TNIK: variants seen among roughly 807,000 people sequenced by gnomAD.
TNIK encodes TRAF2 and NCK-interacting protein kinase.
A neutral mutation model predicts 191.3 loss-of-function variants in TNIK; 49 were observed. The observed-to-expected ratio is 0.26, with a 90% CI of 0.20 to 0.32. TNIK has a LOEUF of 0.32. TNIK is among the 10% of genes least tolerant of loss of function. The probability of loss-of-function intolerance (pLI) is 1.00; values close to 1 mark genes in which losing one functional copy is unlikely to be tolerated. For synonymous variants in TNIK, 594 were observed against 600.9 expected (o/e 0.99, Z 0.17); for missense variants, 1,155 against 1,702.3 (o/e 0.68, Z 5.66).
At chr3:171,419,049 T>C (rs1038765023) in intron 1 of TNIK, among the ~76,000 whole-genome samples, 1 of 152,126 alleles carries the variant, frequency 6.6e-6, no homozygotes, top group Non-Finnish European at 1.5e-5. Flanking sequence ...TATAAGTATA[T>C]TAATCCTACC....
At chr3:171,264,067 T>C (rs143950393) in intron 2 of TNIK, among the ~76,000 whole-genome samples, 21 of 110,820 alleles carry the variant, frequency 1.9e-4, no homozygotes, top group South Asian at 3.4e-4. Flanking sequence ...TATATATACA[T>C]ACACACACAC....
chr3:171,362,163 C>T (rs1715078969), intron 2 of TNIK, among the ~76,000 whole-genome samples: 1 of 152,166 alleles, frequency 6.6e-6, no homozygotes, highest in Admixed American at 6.5e-5. Context: ...CACAGTGCTG[C>T]AACTGATTCC....
intron 1 of TNIK, among the ~76,000 whole-genome samples, chr3:171,442,938 A>G (rs1727010846): frequency 6.6e-6 from 1 of 152,160 alleles, no homozygotes; most frequent in Non-Finnish European, 1.5e-5. Flanking sequence ...TGGCTACAAT[A>G]CCAGCACAAG....
At chr3:171,367,323 A>T (rs112706002) in intron 2 of TNIK, among the ~76,000 whole-genome samples, 3,243 of 152,284 alleles carry the variant, frequency 0.021, 106 homozygotes, top group African/African-American at 0.071. Context: ...TGACAGCAGG[A>T]CTGGATTAGT....
Position 171,183,764 on chromosome 3 carries a change from C to T in TNIK, c.639+4938G>A, listed in dbSNP as rs190706083. Among the ~76,000 whole-genome samples, 533 of 151,816 alleles carry T rather than the reference C, an allele frequency of 3.5e-3. 7 individuals are homozygous for T. The highest frequency in any genetic ancestry group is 0.021 in the Admixed American group (322 of 15,246). On this transcript the variant is annotated intron_variant, in intron 7 of 32. Transcript: ENST00000436636. Reference sequence around the variant, plus strand: ...AGTGAAACCCTGTCTCTACTAAAAACACAAAAATTCACTGGGCGTGGTGGC... The same window carrying T: ...AGTGAAACCCTGTCTCTACTAAAAATACAAAAATTCACTGGGCGTGGTGGC...
chr3:171,420,931 G>A (rs1364266111), intron 1 of TNIK, among the ~76,000 whole-genome samples: 5 of 152,152 alleles, frequency 3.3e-5, no homozygotes, highest in Non-Finnish European at 7.3e-5. Context: ...ATGCTACTCA[G>A]AACGATGGAC....
In TNIK at chr3:171,453,235, G is replaced by A. The variant is rs143246308; in HGVS notation, c.57+6772C>T. Among the ~76,000 whole-genome samples the A allele has an allele frequency of 7.3e-3, 1,116 of 152,338 alleles. 39 individuals carry two copies. The highest frequency in any genetic ancestry group is 0.058 in the Admixed American group (884 of 15,308). ...GTTGCCTCTAAAAAGGAATTGTCTA[G>A]TAGTGAATATAATCCAAGACAGAAA... On this transcript the variant is annotated intron_variant, in intron 1 of 32. Transcript: ENST00000436636.
At chr3:171,382,907 C>G (rs1718232542) in intron 1 of TNIK, among the ~76,000 whole-genome samples, 1 of 152,176 alleles carries the variant, frequency 6.6e-6, no homozygotes, top group Non-Finnish European at 1.5e-5. Context: ...TAATAATAAT[C>G]ATATTGTATA....
chr3:171,100,746 G>GAA (rs111353325), intron 22 of TNIK, among the ~76,000 whole-genome samples: 1 of 92,928 alleles, frequency 1.1e-5, no homozygotes, highest in South Asian at 3.6e-4. Context: ...TCCTCACCTT[G>GAA]AAAAAAAAAA....
intron 2 of TNIK, among the ~76,000 whole-genome samples, chr3:171,342,016 G>T (rs1327412235): frequency 6.6e-6 from 1 of 152,178 alleles, no homozygotes; most frequent in East Asian, 1.9e-4. Context: ...TTGGTTTAAA[G>T]TAACTTTGTT....
intron 1 of TNIK, among the ~76,000 whole-genome samples, chr3:171,437,472 A>T (rs1230435073): frequency 2.0e-5 from 3 of 152,244 alleles, no homozygotes; most frequent in African/African-American, 7.2e-5. Context: ...ATGCAAGCAT[A>T]GGCAGGGGAG....
At chr3:171,069,929 C>A (rs1456404429) in intron 29 of TNIK, among the ~76,000 whole-genome samples, 1 of 152,170 alleles carries the variant, frequency 6.6e-6, no homozygotes, top group Non-Finnish European at 1.5e-5. Flanking sequence ...CTTGCCAGTT[C>A]CACTCTTTCC....
At chr3:171,268,051 T>G (rs1350786569) in intron 2 of TNIK, among the ~76,000 whole-genome samples, 1 of 152,160 alleles carries the variant, frequency 6.6e-6, no homozygotes, top group African/African-American at 2.4e-5. Context: ...GAGGAGTCCT[T>G]CTGGAAAACC....
At chr3:171,229,768 T>G (rs943440854) in intron 2 of TNIK, among the ~76,000 whole-genome samples, 2 of 152,060 alleles carry the variant, frequency 1.3e-5, no homozygotes, top group Non-Finnish European at 1.5e-5. Context: ...TCTGCTGCCC[T>G]TTTTTTCCTC....
At chr3:171,064,065 G>T (rs1223094705) in intron 32 of TNIK, 101 bp from the exon 33 acceptor site, 1 of 1,115,034 alleles carries the variant, frequency 9.0e-7, no homozygotes, top group South Asian at 1.5e-5. Context: ...TCCTTGCCAT[G>T]TGTCAGGTCT....
At chr3:171,445,419 C>CAA (rs75214809) in intron 1 of TNIK, among the ~76,000 whole-genome samples, 39 of 87,062 alleles carry the variant, frequency 4.5e-4, no homozygotes, top group African/African-American at 8.1e-4. Flanking sequence ...ACCCTGTCTC[C>CAA]AAAAAAAAAA....
At chr3:171,411,742 T>A (rs1251729705) in intron 1 of TNIK, among the ~76,000 whole-genome samples, 1 of 152,204 alleles carries the variant, frequency 6.6e-6, no homozygotes, top group Non-Finnish European at 1.5e-5. Context: ...AGAATATATC[T>A]GCATATAAAA....
chr3:171,351,285 G>A (rs900304139), intron 2 of TNIK, among the ~76,000 whole-genome samples: 9 of 104,782 alleles, frequency 8.6e-5, no homozygotes, highest in African/African-American at 2.7e-4. Flanking sequence ...GTGTGTGTGT[G>A]TGTATGAATG....
intron 2 of TNIK, among the ~76,000 whole-genome samples, chr3:171,354,676 T>A (rs1367452378): frequency 1.3e-5 from 2 of 152,240 alleles, no homozygotes; most frequent in Non-Finnish European, 1.5e-5. Context: ...ACACTGAGAA[T>A]GTAGATTAAG....
Sources: gnomAD v4.1 joint callset for allele counts (sites outside exome capture counted in the v4.1 genomes callset) on GRCh38, gnomAD v4.1.1 for gene constraint, MANE v1.5 for transcripts, NCBI Gene and HGNC (gene_info 2026-07-23, HGNC 2026-07-21) for gene names.